PRSS22: variants seen among roughly 807,000 people sequenced by gnomAD.
PRSS22 encodes brain-specific serine protease 4.
Under a neutral mutation model 28.0 loss-of-function variants are expected in PRSS22, and 26 were observed. The observed-to-expected ratio is 0.93, with a 90% CI of 0.68 to 1.29. The LOEUF (loss-of-function observed/expected upper bound fraction) is 1.29. Among genes scored for constraint, PRSS22 ranks in the 50% most tolerant of loss-of-function variants. The probability of loss-of-function intolerance (pLI) is 0.00; values close to 1 mark genes in which losing one functional copy is unlikely to be tolerated. For synonymous variants in PRSS22, 217 were observed against 177.9 expected (o/e 1.22, Z -1.75); for missense variants, 444 against 422.1 (o/e 1.05, Z -0.46).
chr16:2,854,608 T>G (rs1881889543), intron 4 of PRSS22: 1 of 152,864 alleles, frequency 6.5e-6, no homozygotes, highest in South Asian at 2.1e-4. Flanking sequence ...TTGTTATTAC[T>G]TAGTCTCTAG....
rs760100029 is a variant in PRSS22 at position 2,853,879 on chromosome 16, G to A, written c.703C>T (p.Arg235Trp). 3.1e-6 allele frequency: 5 copies of A among 1,613,852 alleles called. No individual in the cohort carries two copies. In the African/African-American group the frequency reaches 4.0e-5, roughly 13 times the overall value. Residue 235 changes from arginine (R) to tryptophan (W), a missense_variant, in exon 5 of 6, where the codon CGG becomes TGG. Arg to Trp is a moderately radical substitution (Grantham distance 101). Coordinates refer to ENST00000161006, the MANE Select transcript of PRSS22 (RefSeq NM_022119.4). This position sits in a 1 kb window ranked among gnomAD's most constrained non-coding sequence, Gnocchi z 4.6. ...MLCAGYLEGE[R>W]DACLGDSGGP... Reference sequence around the variant, plus strand: ...AGGGAGCTCACCAGACAAGCATCCCGCTCCCCCTCCAAGTAGCCGGCACAC... The same window carrying A: ...AGGGAGCTCACCAGACAAGCATCCCACTCCCCCTCCAAGTAGCCGGCACAC...
chr16:2,858,121 G>GAGCA lies in PRSS22; in HGVS notation c.-21_-18dup. 1 of 1,258,134 alleles carries GAGCA rather than the reference G, an allele frequency of 7.9e-7. No homozygotes were observed. Among genetic ancestry groups the GAGCA allele is most frequent in the East Asian group, 3.1e-5 (1 of 31,874 alleles). 77.9% of individuals were successfully genotyped at this position (1,258,134 alleles called of 1,614,324 possible). Reference sequence around the variant, plus strand: ...AACCACCATGGCTGGTGGGGCGGGGGAGCAGGCAGCAGGCTCGAGAGACCC... The same window carrying GAGCA: ...AACCACCATGGCTGGTGGGGCGGGGGAGCAAGCAGGCAGCAGGCTCGAGAGACCC... On this transcript the variant is annotated 5_prime_UTR_variant, in exon 1 of 6. Transcript: ENST00000161006.
At chr16:2,855,347 C>CAAAAAAAAAAA (rs33950878) in intron 4 of PRSS22, among the ~76,000 whole-genome samples, 6,126 of 67,966 alleles carry the variant, frequency 0.09, 450 homozygotes, top group Non-Finnish European at 0.1. Context: ...CACCCTGTCT[C>CAAAAAAAAAAA]AAAAAAAAAA....
At position 2,856,178 on chromosome 16, in the gene PRSS22, G is replaced by A. The variant is rs1454791369; in HGVS notation, c.185C>T (p.Pro62Leu). The change falls in exon 3 of 6, where the codon CCC becomes CTC. Residue 62 changes from proline (P) to leucine (L), a missense_variant. Transcript: ENST00000161006. ...ATTCTTCTGGATGCTCACGATCCAG[G>A]GCCACTCGCTGTCAGTGCTGTCCTC... ...GGEDSTDSEWPWIVSIQKNGT... is the reference protein window; with the variant it reads ...GGEDSTDSEWLWIVSIQKNGT... 3.1e-6 allele frequency: 5 copies of A among 1,613,710 alleles called. No individual in the cohort carries two copies. In the African/African-American group the frequency reaches 5.3e-5, roughly 17 times the overall value.
chr16:2,854,780 G>C (rs897257921), intron 4 of PRSS22, among the ~76,000 whole-genome samples: 3 of 152,068 alleles, frequency 2.0e-5, no homozygotes, highest in South Asian at 2.1e-4. Flanking sequence ...AATCTAGTTT[G>C]AGTTTTGAGA....
rs992908138 is a variant in PRSS22 at position 2,853,644 on chromosome 16, G to A, written c.717+221C>T. ...CTGAAGGAAATGAAAGCTCGCGGAG[G>A]GCGAGGTGGTGCAGCTGGGATGCCC... On this transcript the variant is annotated intron_variant, in intron 5 of 5. Coordinates refer to ENST00000161006, the MANE Select transcript of PRSS22 (RefSeq NM_022119.4). The surrounding 1 kb of genome is among the most constrained non-coding windows in gnomAD (Gnocchi z 4.6). Among the ~76,000 whole-genome samples, 1 of 152,236 alleles carries A rather than the reference G, an allele frequency of 6.6e-6. No individual in the cohort carries two copies. The highest frequency in any genetic ancestry group is 2.4e-5 in the African/African-American group (1 of 41,464).
At chr16:2,857,917 G>T (rs944672115) in intron 1 of PRSS22, 106 bp downstream of exon 1, 4 of 792,956 alleles carry the variant, frequency 5.0e-6, no homozygotes, top group Non-Finnish European at 6.8e-6. Context: ...AGCAGAAGCG[G>T]AAAGGAGATG....
At chr16:2,855,416 A>G (rs1312754063) in intron 4 of PRSS22, among the ~76,000 whole-genome samples, 158 bp downstream of exon 4, 2 of 151,418 alleles carry the variant, frequency 1.3e-5, no homozygotes, top group Non-Finnish European at 2.9e-5. Context: ...ATTGCCCACC[A>G]AGGTTTCTTC....
Position 2,856,238 on chromosome 16 carries a change from C to G in PRSS22, c.125G>C (p.Gly42Ala). ...AARIPVPPAC[G>A]KPQQLNRVVG... ...AACCCGGTTCAGCTGCTGGGGCTTC[C>G]CACAGGCTGGGGGAACTGGAGGGTA... The change falls in exon 3 of 6, where the codon GGG (glycine) becomes GCG (alanine). Residue 42 changes from glycine (G) to alanine (A), a missense_variant. Physicochemically the swap from Gly to Ala is moderately conservative, Grantham distance 60 (BLOSUM62 0). Coordinates refer to ENST00000161006, the MANE Select transcript of PRSS22 (RefSeq NM_022119.4). 1 of 1,613,472 alleles carries G rather than the reference C, an allele frequency of 6.2e-7. No homozygotes were observed. The highest frequency in any genetic ancestry group is 8.5e-7 in the Non-Finnish European group (1 of 1,179,854).
In PRSS22 at chr16:2,852,851, G is replaced by A; in HGVS notation, c.*242C>T. On this transcript the variant is annotated 3_prime_UTR_variant, in exon 6 of 6. Transcript: ENST00000161006. The stretch of plus-strand genomic sequence containing the variant: ...AAGCGCTGGGGCCCGGGGCGGGGCC[G>A]GAAGTCGTGGGGGCGGGGACATGAG... The A allele has an allele frequency of 1.9e-6, 1 of 517,790 alleles. No homozygotes were observed. Among genetic ancestry groups the A allele is most frequent in the South Asian group, 2.8e-5 (1 of 35,470 alleles). 32.1% of individuals were successfully genotyped at this position (517,790 alleles called of 1,614,324 possible).
At chr16:2,857,862 G>A (rs564271942) in intron 1 of PRSS22, 161 bp downstream of exon 1, 96 of 489,716 alleles carry the variant, frequency 2.0e-4, no homozygotes, top group African/African-American at 1.9e-3. Context: ...CACAGCCGTA[G>A]AAGAAACCGA....
chr16:2,857,248 C>CAGGGAGGAGGGGTCCCCAGCGCCT (rs2069468817), intron 1 of PRSS22: 2 of 198,980 alleles, frequency 1.0e-5, no homozygotes, highest in Non-Finnish European at 1.9e-5. Context: ...CCCCAGCGCC[C>CAGGGAGGAGGGGTCCCCAGCGCCT]AGTGAGGAGG....
At chr16:2,856,772 C>T in intron 2 of PRSS22, 50 bp downstream of exon 2, 5 of 1,549,604 alleles carry the variant, frequency 3.2e-6, no homozygotes, top group East Asian at 4.9e-5. Context: ...ACTGCCTGCG[C>T]GTGGGCCTCC....
intron 1 of PRSS22, chr16:2,857,208 A>AG: frequency 3.9e-6 from 1 of 258,150 alleles, no homozygotes; most frequent in Admixed American, 6.1e-5. Context: ...CCCAGTGAGG[A>AG]GGGCTCCCCA....
chr16:2,855,893 G>A (rs2150828557), intron 3 of PRSS22, 42 bp from the exon 4 acceptor site: 1 of 1,587,902 alleles, frequency 6.3e-7, no homozygotes, highest in Non-Finnish European at 8.6e-7. Context: ...GGCCTGGTCT[G>A]GGAGGAGGTA....
chr16:2,857,745 G>T, intron 1 of PRSS22: 1 of 331,130 alleles, frequency 3.0e-6, no homozygotes, highest in Non-Finnish European at 5.5e-6. Flanking sequence ...AGCGGAGGAC[G>T]AGGAGATGGG....
Position 2,857,647 on chromosome 16 carries a change from C to T in PRSS22, c.82+376G>A, listed in dbSNP as rs181208386. Reference sequence around the variant, plus strand: ...GAGGGAGGCACAGACCTGAGCCCCTCGGCTCTGGACGCTGCTGCCGCTGGT... The same window carrying T: ...GAGGGAGGCACAGACCTGAGCCCCTTGGCTCTGGACGCTGCTGCCGCTGGT... On this transcript the variant is annotated intron_variant, in intron 1 of 5. Transcript: ENST00000161006. 117 of 154,194 alleles carry T rather than the reference C, an allele frequency of 7.6e-4. 2 individuals carry two copies. The East Asian group carries it at 0.018, about 24-fold the overall frequency. 9.6% of individuals were successfully genotyped at this position (154,194 alleles called of 1,614,324 possible).
intron 2 of PRSS22, 150 bp downstream of exon 2, chr16:2,856,672 G>A (rs2069460603): frequency 1.1e-6 from 1 of 876,362 alleles, no homozygotes; most frequent in Non-Finnish European, 1.8e-6. Context: ...TTGCATCCGT[G>A]TCTCCTTCCT....
intron 1 of PRSS22, 90 bp downstream of exon 1, chr16:2,857,933 G>T: frequency 1.0e-6 from 1 of 1,002,726 alleles, no homozygotes; most frequent in Non-Finnish European, 1.3e-6. Flanking sequence ...AGATGAGAGA[G>T]GCAAGGCCAG....
Sources: gnomAD v4.1 joint callset for allele counts (sites outside exome capture counted in the v4.1 genomes callset) on GRCh38, gnomAD v4.1.1 for gene constraint, Gnocchi (gnomAD v3.1) non-coding constraint, MANE v1.5 for transcripts, NCBI Gene and HGNC (gene_info 2026-07-23, HGNC 2026-07-21) for gene names.